Variants in CCDC171 observed in about 807,000 individuals in gnomAD.
The protein encoded by CCDC171 is coiled-coil domain containing 171.
CCDC171 carries 177 observed loss-of-function variants against 168.2 expected under a neutral mutation model. The observed-to-expected ratio is 1.05, with a 90% CI of 0.93 to 1.19. The LOEUF is 1.19. Ranked by LOEUF, CCDC171 falls within the 50% of genes most tolerant of loss-of-function variation. The probability of loss-of-function intolerance (pLI) is 0.00; values close to 1 mark genes in which losing one functional copy is unlikely to be tolerated. For missense variants in CCDC171, 1,991 were observed against 1,539.0 expected (o/e 1.29, Z -4.91); for synonymous variants, 687 against 540.8 (o/e 1.27, Z -3.75).
chr9:15,938,414 T>A (rs538793110), intron 25 of CCDC171, among the ~76,000 whole-genome samples: 17 of 152,016 alleles, frequency 1.1e-4, no homozygotes, highest in African/African-American at 3.6e-4. Flanking sequence ...AATAAAAGTT[T>A]TACAGTTTTC....
At chr9:15,553,384 T>G (rs58022100) in intron 1 of CCDC171, 82 bp downstream of exon 1, 1 of 152,106 alleles carries the variant, frequency 6.6e-6, no homozygotes, top group South Asian at 2.1e-4. Flanking sequence ...CTGAGTGAGT[T>G]TGGGGCGGCC....
At chr9:15,593,908 A>T (rs901062394) in intron 5 of CCDC171, 133 bp from the exon 6 acceptor site, 1 of 610,340 alleles carries the variant, frequency 1.6e-6, no homozygotes. Flanking sequence ...AGTTTTATTA[A>T]TGATTTTAAC....
chr9:15,862,745 T>C (rs1455227455), intron 23 of CCDC171, among the ~76,000 whole-genome samples: 2 of 152,046 alleles, frequency 1.3e-5, no homozygotes, highest in Non-Finnish European at 2.9e-5. Context: ...AACTTCTGTG[T>C]TAGTCCAAAC....
At chr9:16,020,448 AT>A (rs1205616263) in intron 3 of CCDC171, 1 of 153,058 alleles carries the variant, frequency 6.5e-6, no homozygotes, top group East Asian at 1.9e-4. Context: ...TCATGAAGAA[AT>A]TGTAGAAGAT....
At chr9:15,922,311 G>T in intron 25 of CCDC171, 1 of 175,082 alleles carries the variant, frequency 5.7e-6, no homozygotes, top group East Asian at 1.4e-4. Context: ...AAACTTGTGT[G>T]ATGGTTTTTA....
intron 1 of CCDC171, among the ~76,000 whole-genome samples, chr9:16,049,751 C>T (rs1032052129): frequency 1.2e-4 from 18 of 152,060 alleles, no homozygotes; most frequent in African/African-American, 3.1e-4. Flanking sequence ...TTTCAGCCTC[C>T]GTAATCATGT....
intron 1 of CCDC171, among the ~76,000 whole-genome samples, chr9:15,559,569 G>A (rs1361933348): frequency 6.6e-6 from 1 of 151,280 alleles, no homozygotes; most frequent in African/African-American, 2.4e-5. Context: ...GCTTTTTTTT[G>A]TTTTCCATTT....
At chr9:16,061,864 G>A (rs116128774), downstream of CCDC171, among the ~76,000 whole-genome samples, 1,600 of 152,168 alleles carry the variant, frequency 0.011, 34 homozygotes, top group African/African-American at 0.036. Flanking sequence ...GTGGTGTGCC[G>A]GCAAACAGGC....
chr9:15,701,906 T>A (rs1329837913), intron 11 of CCDC171, among the ~76,000 whole-genome samples: 1 of 152,232 alleles, frequency 6.6e-6, no homozygotes, highest in African/African-American at 2.4e-5. Context: ...TTTGCAGAAG[T>A]TGTCAATATA....
intron 16 of CCDC171, among the ~76,000 whole-genome samples, chr9:15,742,169 C>T (rs1020678366): frequency 6.6e-6 from 1 of 152,070 alleles, no homozygotes; most frequent in East Asian, 1.9e-4. Flanking sequence ...CATCCTACTC[C>T]CAACTGCTGC....
intron 24 of CCDC171, among the ~76,000 whole-genome samples, chr9:15,898,097 C>A (rs1821141326): frequency 6.6e-6 from 1 of 152,156 alleles, no homozygotes; most frequent in Non-Finnish European, 1.5e-5. Context: ...ATACGCAAAG[C>A]TTATAACATG....
intron 23 of CCDC171, among the ~76,000 whole-genome samples, chr9:15,860,146 T>TG (rs1005483050): frequency 3.3e-5 from 5 of 151,956 alleles, no homozygotes; most frequent in African/African-American, 1.2e-4. Flanking sequence ...TTTTGTGTTT[T>TG]TTTTTTAGTT....
chr9:15,841,496 T>C (rs2060678426), intron 21 of CCDC171, among the ~76,000 whole-genome samples: 1 of 151,942 alleles, frequency 6.6e-6, no homozygotes, highest in Non-Finnish European at 1.5e-5. Context: ...ACCCTGAAAG[T>C]GGGTAAGTTA....
At chr9:16,084,462 G>A in the CCDC171 span, among the ~76,000 whole-genome samples, 1 of 152,150 alleles carries the variant, frequency 6.6e-6, no homozygotes, top group East Asian at 1.9e-4. Flanking sequence ...CTCAGCTTGA[G>A]AGCAACAACA....
intron 23 of CCDC171, among the ~76,000 whole-genome samples, chr9:15,868,646 TA>T (rs1563906028): frequency 2.6e-5 from 4 of 151,994 alleles, no homozygotes; most frequent in Non-Finnish European, 4.4e-5. Context: ...TGCCAGACAA[TA>T]GATATAAAGA....
intron 21 of CCDC171, among the ~76,000 whole-genome samples, chr9:15,835,794 G>A (rs78052148): frequency 0.015 from 2,215 of 152,202 alleles, 63 homozygotes; most frequent in African/African-American, 0.051. Context: ...ATATTAACAA[G>A]AAATAAGTGT....
intron 10 of CCDC171, among the ~76,000 whole-genome samples, chr9:15,688,013 G>C (rs904040708): frequency 1.3e-5 from 2 of 151,570 alleles, no homozygotes; most frequent in African/African-American, 4.9e-5. Context: ...CAGCTACTTG[G>C]GAGGCTGAGG....
intron 7 of CCDC171, among the ~76,000 whole-genome samples, chr9:15,643,961 G>A (rs1379051194): frequency 6.6e-6 from 1 of 152,012 alleles, no homozygotes; most frequent in African/African-American, 2.4e-5. Flanking sequence ...ACAACATCTT[G>A]TTTATTCATT....
At chr9:15,563,102 C>T (rs1388490516) in intron 1 of CCDC171, among the ~76,000 whole-genome samples, 1 of 149,898 alleles carries the variant, frequency 6.7e-6, no homozygotes, top group Non-Finnish European at 1.5e-5. Context: ...GAATTGGAAT[C>T]TTGGTTCTGT....
Sources: allele counts gnomAD v4.1 joint callset (sites outside exome capture counted in the v4.1 genomes callset), GRCh38; gene constraint gnomAD v4.1.1; transcripts MANE v1.5; gene names NCBI Gene and HGNC (gene_info 2026-07-23, HGNC 2026-07-21).